DOCK8: variants seen among roughly 807,000 people sequenced by gnomAD.
The protein encoded by DOCK8 is dedicator of cytokinesis protein 8.
A neutral mutation model predicts 245.6 loss-of-function variants in DOCK8; 141 were observed. The ratio of observed to expected loss-of-function variants is 0.57; its 90% confidence interval spans 0.50 to 0.66. DOCK8 has a LOEUF of 0.66. DOCK8 is among the 30% of genes least tolerant of loss of function. The pLI is 0.00. For synonymous variants in DOCK8, 1,168 were observed against 970.2 expected (o/e 1.20, Z -3.79); for missense variants, 2,965 against 2,603.4 (o/e 1.14, Z -3.02).
At chr9:248,419 TTATTTTTCCCTTCCTTC>T (rs2047560022) in intron 1 of DOCK8, among the ~76,000 whole-genome samples, 1 of 152,044 alleles carries the variant, frequency 6.6e-6, no homozygotes, top group Non-Finnish European at 1.5e-5. Flanking sequence ...TCTCTTTCTT[TTATTTTTCCCTTCCTTC>T]TGTCTTTCCC....
intron 8 of DOCK8, among the ~76,000 whole-genome samples, chr9:326,080 C>T (rs908574999): frequency 6.6e-6 from 1 of 152,162 alleles, no homozygotes; most frequent in Non-Finnish European, 1.5e-5. Context: ...TTTGAGAGTT[C>T]TTTGCACTGT....
In DOCK8 at chr9:303,041, C is replaced by T. The variant is rs1586645955; in HGVS notation, c.405-1540C>T. The stretch of plus-strand genomic sequence containing the variant: ...CTGGGTATGGTGGCGTGTACCTATA[C>T]TCTCACCTACTGGGAGGCTGAGGTG... On this transcript the variant is annotated intron_variant, in intron 4 of 47. Coordinates refer to ENST00000432829, the MANE Select transcript of DOCK8 (RefSeq NM_203447.4). Among the ~76,000 whole-genome samples, 4 of 151,182 alleles carry T rather than the reference C, an allele frequency of 2.6e-5. 1 individual carries two copies. The South Asian group carries it at 8.4e-4, about 32-fold the overall frequency.
At chr9:421,856 G>C (rs2056292208) in intron 32 of DOCK8, among the ~76,000 whole-genome samples, 192 bp from the exon 33 acceptor site, 1 of 152,134 alleles carries the variant, frequency 6.6e-6, no homozygotes, top group Non-Finnish European at 1.5e-5. Context: ...TTATATTCTA[G>C]TCTATCAATC....
chr9:212,743 T>A (rs2131300475), upstream of DOCK8: 1 of 152,358 alleles, frequency 6.6e-6, no homozygotes, highest in Middle Eastern at 3.4e-3. Flanking sequence ...TGCAGTATGA[T>A]CTGAGGCAAG....
chr9:282,413 G>GTTTTTTTTTTT (rs58014606), intron 2 of DOCK8, among the ~76,000 whole-genome samples: 2 of 131,764 alleles, frequency 1.5e-5, no homozygotes, highest in Admixed American at 7.6e-5. Context: ...GTTTCGTTTT[G>GTTTTTTTTTTT]TTTTTTTTTT....
chr9:297,382 A>T, intron 4 of DOCK8, among the ~76,000 whole-genome samples: 1 of 152,014 alleles, frequency 6.6e-6, no homozygotes, highest in East Asian at 1.9e-4. Flanking sequence ...TAAAGAGAAC[A>T]CTCTCAAAAC....
In DOCK8 at chr9:251,972, C is replaced by CT. The variant is rs34456943; in HGVS notation, c.54-19636dup. Reference sequence around the variant, plus strand: ...GCAGAAGCGAGAGCAATTGTGTTTTCTTTTTTTTTTTTTTTTTTTGAGATG... The same window carrying CT: ...GCAGAAGCGAGAGCAATTGTGTTTTCTTTTTTTTTTTTTTTTTTTTGAGATG... On this transcript the variant is annotated intron_variant, in intron 1 of 47. Coordinates refer to ENST00000432829, the MANE Select transcript of DOCK8 (RefSeq NM_203447.4). 5.5e-3 allele frequency among the ~76,000 whole-genome samples: 720 copies of CT among 130,588 alleles called. 4 individuals carry two copies. The highest frequency in any genetic ancestry group is 0.016 in the Middle Eastern group (4 of 244). The allele number at this position is 130,588 out of a possible 152,430, so 85.7% of individuals were successfully genotyped here. A position where few individuals can be genotyped will look rare whatever the true frequency, so the allele number is the denominator to read the frequency against.
At chr9:308,164 ATAAT>A (rs750771709) in intron 5 of DOCK8, among the ~76,000 whole-genome samples, 2 of 152,220 alleles carry the variant, frequency 1.3e-5, no homozygotes, top group Non-Finnish European at 2.9e-5. Context: ...AGAATTAATA[ATAAT>A]TTATTCTGTG....
chr9:425,400 C>T (rs142223588), intron 33 of DOCK8, among the ~76,000 whole-genome samples: 2,084 of 151,984 alleles, frequency 0.014, 19 homozygotes, highest in African/African-American at 0.03. Flanking sequence ...GGCGCGGTGG[C>T]GGGCGCCTGT....
At chr9:215,373 T>G in intron 1 of DOCK8, 1 of 1,591,912 alleles carries the variant, frequency 6.3e-7, no homozygotes, top group Non-Finnish European at 8.5e-7. Flanking sequence ...GTAACCGTGT[T>G]GGGCGCGCCA....
At chr9:292,704 C>T (rs938007521) in intron 4 of DOCK8, among the ~76,000 whole-genome samples, 2 of 151,874 alleles carry the variant, frequency 1.3e-5, no homozygotes, top group African/African-American at 4.8e-5. Flanking sequence ...AAATGTCTTC[C>T]CCAGTATGCC....
chr9:415,665 C>CGT (rs966043878), intron 29 of DOCK8, among the ~76,000 whole-genome samples: 15 of 130,864 alleles, frequency 1.1e-4, no homozygotes, highest in African/African-American at 4.0e-4. Flanking sequence ...CCACAGCGTA[C>CGT]GTGTGTGTGC....
intron 27 of DOCK8, 29 bp downstream of exon 27, chr9:405,102 A>G (rs2055351739): frequency 1.3e-6 from 2 of 1,596,314 alleles, no homozygotes; most frequent in African/African-American, 1.3e-5. Context: ...AACTAAAAGA[A>G]TTATTCAAGC....
At chr9:273,725 T>A (rs1587702759) in intron 2 of DOCK8, among the ~76,000 whole-genome samples, 2 of 151,738 alleles carry the variant, frequency 1.3e-5, no homozygotes, top group East Asian at 3.9e-4. Flanking sequence ...TTAGCTCTTG[T>A]CACGCAGGCT....
intron 2 of DOCK8, among the ~76,000 whole-genome samples, chr9:276,041 C>G (rs1177122544): frequency 1.3e-5 from 2 of 152,038 alleles, no homozygotes; most frequent in Non-Finnish European, 2.9e-5. Flanking sequence ...CAGGCAGCTG[C>G]CGCCATGTCT....
intron 15 of DOCK8, chr9:369,411 G>C (rs1464348271): frequency 6.6e-6 from 1 of 152,274 alleles, no homozygotes; most frequent in African/African-American, 2.4e-5. Context: ...TGGGATTACT[G>C]CATCTAGAGG....
At position 407,414 on chromosome 9, in the gene DOCK8, T is replaced by C. The variant is rs1332495897; in HGVS notation, c.3530+345T>C. On this transcript the variant is annotated intron_variant, in intron 28 of 47. Coordinates refer to ENST00000432829, the MANE Select transcript of DOCK8 (RefSeq NM_203447.4). ...GCCATTTTTAACAAAGGGGATAGCA[T>C]GCAGAGGCAACCACAAGATGTCACT... Among the ~76,000 whole-genome samples the C allele has an allele frequency of 2.0e-5, 3 of 152,232 alleles. No homozygotes were observed. The East Asian group carries it at 5.8e-4, about 29-fold the overall frequency.
At chr9:403,184 C>G (rs1314804892) in intron 26 of DOCK8, among the ~76,000 whole-genome samples, 2 of 152,200 alleles carry the variant, frequency 1.3e-5, no homozygotes, top group African/African-American at 2.4e-5. Flanking sequence ...CCACCACACC[C>G]AGCCTGAAAT....
At chr9:255,654 CA>C (rs2047751613) in intron 1 of DOCK8, among the ~76,000 whole-genome samples, 1 of 99,676 alleles carries the variant, frequency 1.0e-5, no homozygotes, top group Non-Finnish European at 1.8e-5. Flanking sequence ...GGGGATAGAG[CA>C]AGACTCCATC....
Sources: allele counts gnomAD v4.1 joint callset (sites outside exome capture counted in the v4.1 genomes callset), GRCh38; gene constraint gnomAD v4.1.1; transcripts MANE v1.5; gene names NCBI Gene and HGNC (gene_info 2026-07-23, HGNC 2026-07-21).